BCAS3: variants seen among roughly 807,000 people sequenced by gnomAD.
BCAS3 encodes BCAS4/BCAS3 fusion.
A neutral mutation model predicts 116.1 loss-of-function variants in BCAS3; 53 were observed. The observed-to-expected ratio is 0.46, with a 90% CI of 0.37 to 0.57. The LOEUF (loss-of-function observed/expected upper bound fraction) is 0.57. Ranked by LOEUF, BCAS3 falls within the 20% of genes least tolerant of loss-of-function variation. The pLI, the probability that BCAS3 is intolerant of heterozygous loss-of-function variation, is 0.00. For synonymous variants in BCAS3, 391 were observed against 408.2 expected (o/e 0.96, Z 0.51); for missense variants, 917 against 1,165.4 (o/e 0.79, Z 3.10).
At chr17:61,115,339 C>T (rs1014164138) in intron 22 of BCAS3, among the ~76,000 whole-genome samples, 3 of 152,136 alleles carry the variant, frequency 2.0e-5, no homozygotes, top group Non-Finnish European at 4.4e-5. Context: ...GCAACCTACT[C>T]ATCTGACAAA....
At chr17:60,713,996 G>A (rs1172652719) in intron 5 of BCAS3, among the ~76,000 whole-genome samples, 2 of 152,018 alleles carry the variant, frequency 1.3e-5, no homozygotes, top group African/African-American at 4.8e-5. Flanking sequence ...ACCATGCCAG[G>A]CTAATTTTTG....
In BCAS3 at chr17:61,279,807, C is replaced by T. The variant is rs2051088332; in HGVS notation, c.2426-88520C>T. On this transcript the variant is annotated intron_variant, in intron 22 of 23. Transcript: ENST00000407086. This position sits in a 1 kb window ranked among gnomAD's most constrained non-coding sequence, Gnocchi z 4.4. ...AAAAAAAAAACTAGGCAGGTAACCA[C>T]AAGCCAAGTTGGGCTTGGCTGCTGC... 3.9e-5 allele frequency among the ~76,000 whole-genome samples: 6 copies of T among 151,930 alleles called. No homozygotes were observed. In the South Asian group the frequency reaches 1.2e-3, roughly 32 times the overall value.
chr17:61,231,073 G>A (rs1023111169), intron 22 of BCAS3, among the ~76,000 whole-genome samples: 13 of 151,370 alleles, frequency 8.6e-5, no homozygotes, highest in African/African-American at 3.2e-4. Context: ...CAAAGTGCTG[G>A]GATTATAGGT....
intron 19 of BCAS3, among the ~76,000 whole-genome samples, chr17:61,057,433 C>T (rs1019710467): frequency 2.0e-5 from 3 of 152,192 alleles, no homozygotes; most frequent in African/African-American, 4.8e-5. Context: ...AATCCAGACA[C>T]TGATGGTTTT....
rs915812735 is a variant in BCAS3, at chr17:61,316,254, C to T, written c.2426-52073C>T. On this transcript the variant is annotated intron_variant, in intron 22 of 23. Transcript: ENST00000407086. The surrounding 1 kb of genome is among the most constrained non-coding windows in gnomAD (Gnocchi z 5.8). ...CCAGGAGGTGGAGGCTGCAGTGAGC[C>T]GGGATCACGCCACTGCACTCCAGCC... Among the ~76,000 whole-genome samples, 6 of 152,124 alleles carry T rather than the reference C, an allele frequency of 3.9e-5. No individual in the cohort carries two copies. In the East Asian group the frequency reaches 5.8e-4, roughly 15 times the overall value.
At chr17:60,784,926 T>C (rs937809218) in intron 6 of BCAS3, among the ~76,000 whole-genome samples, 2 of 151,766 alleles carry the variant, frequency 1.3e-5, no homozygotes, top group Non-Finnish European at 2.9e-5. Context: ...CAAAACCCAG[T>C]CTCTACTAAA....
chr17:60,930,615 C>T (rs2145183174), intron 13 of BCAS3, among the ~76,000 whole-genome samples: 1 of 152,156 alleles, frequency 6.6e-6, no homozygotes, highest in East Asian at 1.9e-4. Flanking sequence ...GCCACTGCAC[C>T]CAGCTAATTT....
In BCAS3 at chr17:61,259,962, G is replaced by T. The variant is rs1307287496; in HGVS notation, c.2426-108365G>T. The stretch of plus-strand genomic sequence containing the variant: ...TGAATTGCTGTGTGAGGTAGGCGTT[G>T]TACAGGCTGCCTAACATAGTTTTTT... On this transcript the variant is annotated intron_variant, in intron 22 of 23. Transcript: ENST00000407086. The surrounding 1 kb of genome is among the most constrained non-coding windows in gnomAD (Gnocchi z 4.7). Among the ~76,000 whole-genome samples, 1 of 152,220 alleles carries T rather than the reference G, an allele frequency of 6.6e-6. No homozygotes were observed. Among genetic ancestry groups the T allele is most frequent in the East Asian group, 1.9e-4 (1 of 5,202 alleles).
chr17:61,081,376 G>A (rs573034631), intron 21 of BCAS3, among the ~76,000 whole-genome samples: 5 of 151,954 alleles, frequency 3.3e-5, no homozygotes, highest in African/African-American at 9.7e-5. Flanking sequence ...ATTCTAACTC[G>A]CTTCTTTTAA....
Position 60,940,223 on chromosome 17 carries a change from G to A in BCAS3, c.1088-6996G>A, listed in dbSNP as rs533266139. ...CTGATTTCTAATTTATGTTGGTTATGGATATATGCAACTTTTGTAAGGGAT... is the reference window on the plus strand; with the variant it reads ...CTGATTTCTAATTTATGTTGGTTATAGATATATGCAACTTTTGTAAGGGAT... On this transcript the variant is annotated intron_variant, in intron 13 of 23. Transcript: ENST00000407086. 1.1e-3 allele frequency among the ~76,000 whole-genome samples: 161 copies of A among 152,214 alleles called. 1 individual carries two copies. Among genetic ancestry groups the A allele is most frequent in the African/African-American group, 3.7e-3 (153 of 41,546 alleles).
Position 61,140,249 on chromosome 17 carries a change from C to G in BCAS3, c.2425+55685C>G, listed in dbSNP as rs888375642. Among the ~76,000 whole-genome samples the G allele has an allele frequency of 2.0e-5, 3 of 152,050 alleles. No homozygotes were observed. Among genetic ancestry groups the G allele is most frequent in the Non-Finnish European group, 4.4e-5 (3 of 68,006 alleles). ...AAGACTCCATCTCAAAAAAAAGGAA[C>G]AGAGTCACCAAGACATACACATACT... On this transcript the variant is annotated intron_variant, in intron 22 of 23. Coordinates refer to ENST00000407086, the MANE Select transcript of BCAS3 (RefSeq NM_017679.5). This position sits in a 1 kb window ranked among gnomAD's most constrained non-coding sequence, Gnocchi z 4.2.
intron 22 of BCAS3, among the ~76,000 whole-genome samples, chr17:61,153,432 A>G (rs1165573812): frequency 6.6e-6 from 1 of 152,118 alleles, no homozygotes; most frequent in African/African-American, 2.4e-5. Flanking sequence ...TTACTATTTT[A>G]ATAATTGTTT....
At chr17:60,937,981 A>G (rs1040516750) in intron 13 of BCAS3, among the ~76,000 whole-genome samples, 1 of 151,888 alleles carries the variant, frequency 6.6e-6, no homozygotes, top group Non-Finnish European at 1.5e-5. Context: ...ACTAACACTC[A>G]TTTATCCTTA....
intron 22 of BCAS3, among the ~76,000 whole-genome samples, chr17:61,297,759 T>C (rs1290212637): frequency 2.6e-5 from 4 of 152,150 alleles, no homozygotes; most frequent in Non-Finnish European, 4.4e-5. Flanking sequence ...CAGGTGTTCG[T>C]GTTCACTGTG....
chr17:61,046,047 AATATATATATT>A (rs1330788680), intron 19 of BCAS3, among the ~76,000 whole-genome samples: 5 of 16,716 alleles, frequency 3.0e-4, no homozygotes, highest in East Asian at 6.0e-3. Flanking sequence ...ATATATATAT[AATATATATATT>A]ATATATATAT....
chr17:60,917,655 A>G (rs1160498873), intron 12 of BCAS3, among the ~76,000 whole-genome samples: 4 of 151,770 alleles, frequency 2.6e-5, no homozygotes, highest in African/African-American at 9.7e-5. Context: ...GTGCAGTGGC[A>G]CAATGTTGGC....
rs577094919 is a variant in BCAS3, at chr17:60,788,677, A to G, written c.404-19327A>G. Among the ~76,000 whole-genome samples the G allele has an allele frequency of 1.3e-3, 205 of 151,950 alleles. 1 individual carries two copies. Among genetic ancestry groups the G allele is most frequent in the African/African-American group, 4.8e-3 (199 of 41,456 alleles). The stretch of plus-strand genomic sequence containing the variant: ...TGTTGATGGTGCCTGGAGCCTCTCT[A>G]TTTTCCTATTTCTCCCTCTTTATCT... On this transcript the variant is annotated intron_variant, in intron 6 of 23. Transcript: ENST00000407086.
rs759028839 is a variant in BCAS3, at chr17:60,698,183, C to CAAAAA, written c.214+8440_214+8444dup. Among the ~76,000 whole-genome samples, 53 of 55,154 alleles carry CAAAAA rather than the reference C, an allele frequency of 9.6e-4. 1 individual carries two copies. Among genetic ancestry groups the CAAAAA allele is most frequent in the African/African-American group, 2.0e-3 (30 of 15,222 alleles). 36.2% of individuals were successfully genotyped at this position (55,154 alleles called of 152,430 possible). On this transcript the variant is annotated intron_variant, in intron 4 of 23. Coordinates refer to ENST00000407086, the MANE Select transcript of BCAS3 (RefSeq NM_017679.5). Reference sequence around the variant, plus strand: ...GGTGACAGAGCGAGACTCCGTCTCACAAAAAAAAAAAAAAAAAAAAAAGAG... The same window carrying CAAAAA: ...GGTGACAGAGCGAGACTCCGTCTCACAAAAAAAAAAAAAAAAAAAAAAAAAAAGAG...
Position 61,012,215 on chromosome 17 carries a change from G to A in BCAS3, c.1487-3536G>A, listed in dbSNP as rs1459115721. On this transcript the variant is annotated intron_variant, in intron 15 of 23. Transcript: ENST00000407086. This position sits in a 1 kb window ranked among gnomAD's most constrained non-coding sequence, Gnocchi z 4.5. The stretch of plus-strand genomic sequence containing the variant: ...TTATGAACTCTTTGAAAGTCCCTTG[G>A]ACTTACTCCTTCAGAATCTAGAACA... Among the ~76,000 whole-genome samples the A allele has an allele frequency of 6.6e-6, 1 of 151,912 alleles. No individual in the cohort carries two copies. The highest frequency in any genetic ancestry group is 1.5e-5 in the Non-Finnish European group (1 of 67,928).
Sources: gnomAD v4.1 joint callset for allele counts (sites outside exome capture counted in the v4.1 genomes callset) on GRCh38, gnomAD v4.1.1 for gene constraint, Gnocchi (gnomAD v3.1) non-coding constraint, MANE v1.5 for transcripts, NCBI Gene and HGNC (gene_info 2026-07-23, HGNC 2026-07-21) for gene names.